Variants in POU3F2 observed in about 807,000 individuals in gnomAD.
The protein encoded by POU3F2 is POU class 3 homeobox 2.
A neutral mutation model predicts 33.1 loss-of-function variants in POU3F2; 11 were observed. The ratio of observed to expected loss-of-function variants is 0.33; its 90% CI spans 0.21 to 0.55. The LOEUF is 0.55. Ranked by LOEUF, POU3F2 falls within the 20% of genes least tolerant of loss-of-function variation. The pLI, the probability that POU3F2 is intolerant of heterozygous loss-of-function variation, is 0.91. For synonymous variants in POU3F2, 332 were observed against 289.6 expected (o/e 1.15, Z -1.49); for missense variants, 456 against 620.2 (o/e 0.74, Z 2.81).
In POU3F2 at chr6:98,834,679, AGGC is replaced by A. The variant is rs1236779696; in HGVS notation, c.-182_-180del. 2.3e-4 allele frequency: 141 copies of A among 612,648 alleles called. No homozygotes were observed. The highest frequency in any genetic ancestry group is 8.4e-4 in the Middle Eastern group (2 of 2,378). 38.0% of individuals were successfully genotyped at this position (612,648 alleles called of 1,614,324 possible). A position where few individuals can be genotyped will look rare whatever the true frequency, so the allele number is the denominator to read the frequency against. ...GAGAAAGAGAGCGAGGGCGGGCGGG[AGGC>A]GGCGGCGGCGGCAGCAGCAGCAGTA... On this transcript the variant is annotated 5_prime_UTR_variant, in exon 1 of 1. Coordinates refer to ENST00000328345, the MANE Select transcript of POU3F2 (RefSeq NM_005604.4).
chr6:98,834,865 C>G lies in POU3F2; in HGVS notation c.-9C>G, dbSNP rs763367137. Reference sequence around the variant, plus strand: ...TTTAACCGGAGCGCTCAGTCCGGCTCCGAGAGTCATGGCGACCGCAGCGTC... The same window carrying G: ...TTTAACCGGAGCGCTCAGTCCGGCTGCGAGAGTCATGGCGACCGCAGCGTC... On this transcript the variant is annotated 5_prime_UTR_variant, in exon 1 of 1. Coordinates refer to ENST00000328345, the MANE Select transcript of POU3F2 (RefSeq NM_005604.4). 1 of 1,596,288 alleles carries G rather than the reference C, an allele frequency of 6.3e-7. No homozygotes were observed. The highest frequency in any genetic ancestry group is 8.5e-7 in the Non-Finnish European group (1 of 1,178,036).
chr6:98,835,589 C>T lies in POU3F2; in HGVS notation c.716C>T (p.Pro239Leu), dbSNP rs1441106037. Residue 239 changes from proline (P) to leucine (L), a missense_variant, in exon 1 of 1, where the codon CCG (proline) becomes CTG (leucine). This residue lies in a region of POU3F2 where 341 missense variants were observed against 382.4 expected (regional missense o/e 0.89). Coordinates refer to ENST00000328345, the MANE Select transcript of POU3F2 (RefSeq NM_005604.4). The surrounding 1 kb of genome is among the most constrained non-coding windows in gnomAD (Gnocchi z 9.7). ...PHPHSHPHQQ[P>L]PPPPPPQGPP... ...CCGCACTCGCACCCACACCAGCAGC[C>T]GCCGCCCCCGCCGCCCCCGCAGGGT... The T allele has an allele frequency of 6.2e-7, 1 of 1,603,826 alleles. No individual in the cohort carries two copies. The highest frequency in any genetic ancestry group is 1.3e-5 in the African/African-American group (1 of 74,696).
rs576553030 is a variant in POU3F2 at position 98,838,622 on chromosome 6, T to G, written c.*2417T>G. 5.4e-5 allele frequency: 9 copies of G among 166,492 alleles called. No individual in the cohort carries two copies. Among genetic ancestry groups the G allele is most frequent in the African/African-American group, 2.2e-4 (9 of 41,460 alleles). 10.3% of individuals were successfully genotyped at this position (166,492 alleles called of 1,614,324 possible). On this transcript the variant is annotated 3_prime_UTR_variant, in exon 1 of 1. Transcript: ENST00000328345. ...CTGTTTTTCTGTAGCTTTAAATGAA[T>G]AGGTGAGCAAAATCTATATGGGATG...
In POU3F2 at chr6:98,835,700, A is replaced by G. The variant is rs1298734401; in HGVS notation, c.827A>G (p.Gln276Arg). The change falls in exon 1 of 1, where the codon CAG (glutamine) becomes CGG (arginine). Residue 276 changes from glutamine (Q) to arginine (R), a missense_variant. Gln to Arg is a conservative substitution (Grantham distance 43). This residue lies in a region of POU3F2 where 19 missense variants were observed against 49.1 expected (regional missense o/e 0.39). Coordinates refer to ENST00000328345, the MANE Select transcript of POU3F2 (RefSeq NM_005604.4). The surrounding 1 kb of genome is among the most constrained non-coding windows in gnomAD (Gnocchi z 9.7). ...TSDDLEQFAKQFKQRRIKLGF... is the reference protein window; with the variant it reads ...TSDDLEQFAKRFKQRRIKLGF... ...GACGACCTGGAGCAGTTCGCCAAGC[A>G]GTTCAAGCAGCGGCGGATCAAACTG... is the stretch of plus-strand genomic sequence containing the variant. 6.2e-7 allele frequency: 1 copy of G among 1,613,748 alleles called. No individual in the cohort carries two copies. Among genetic ancestry groups the G allele is most frequent in the Non-Finnish European group, 8.5e-7 (1 of 1,180,032 alleles).
Position 98,834,761 on chromosome 6 carries a change from T to G in POU3F2, c.-113T>G. 35 of 1,189,388 alleles carry G rather than the reference T, an allele frequency of 2.9e-5. No individual in the cohort carries two copies. Among genetic ancestry groups the G allele is most frequent in the Non-Finnish European group, 3.7e-5 (32 of 866,180 alleles). The allele number at this position is 1,189,388 out of a possible 1,614,324, so 73.7% of individuals were successfully genotyped here. A position where few individuals can be genotyped will look rare whatever the true frequency, so the allele number is the denominator to read the frequency against. On this transcript the variant is annotated 5_prime_UTR_variant, in exon 1 of 1. Transcript: ENST00000328345. Reference sequence around the variant, plus strand: ...GAGCGGGCGTCGGAGCTGCCCGCTGTGGGAGAGAGAGGAGACAGAAAGAGC... The same window carrying G: ...GAGCGGGCGTCGGAGCTGCCCGCTGGGGGAGAGAGAGGAGACAGAAAGAGC...
At position 98,836,414 on chromosome 6, in the gene POU3F2, T is replaced by A; in HGVS notation, c.*209T>A. 1.6e-6 allele frequency: 1 copy of A among 632,084 alleles called. No homozygotes were observed. Among genetic ancestry groups the A allele is most frequent in the African/African-American group, 1.9e-5 (1 of 51,920 alleles). The allele number at this position is 632,084 out of a possible 1,614,324, so 39.2% of individuals were successfully genotyped here. On this transcript the variant is annotated 3_prime_UTR_variant, in exon 1 of 1. Coordinates refer to ENST00000328345, the MANE Select transcript of POU3F2 (RefSeq NM_005604.4). Reference sequence around the variant, plus strand: ...CCTTTAAAGGTAGCAGGTGTAATGATGTGTTTTGACCTTTGCAGGCGAGTA... The same window carrying A: ...CCTTTAAAGGTAGCAGGTGTAATGAAGTGTTTTGACCTTTGCAGGCGAGTA...
In POU3F2 at chr6:98,835,710, G is replaced by T; in HGVS notation, c.837G>T (p.Gln279His). Residue 279 changes from glutamine to histidine, a missense_variant, in exon 1 of 1, where the codon CAG (glutamine) becomes CAT (histidine). This residue lies in a region of POU3F2 where 19 missense variants were observed against 49.1 expected (regional missense o/e 0.39). Transcript: ENST00000328345. The surrounding 1 kb of genome is among the most constrained non-coding windows in gnomAD (Gnocchi z 9.7). ...AGCAGTTCGCCAAGCAGTTCAAGCA[G>T]CGGCGGATCAAACTGGGATTTACCC... The part of the protein sequence containing the change: ...DLEQFAKQFK[Q>H]RRIKLGFTQA... 1 of 1,613,908 alleles carries T rather than the reference G, an allele frequency of 6.2e-7. No individual in the cohort carries two copies. The highest frequency in any genetic ancestry group is 1.1e-5 in the South Asian group (1 of 91,084).
Position 98,836,511 on chromosome 6 carries a change from C to G in POU3F2, c.*306C>G, listed in dbSNP as rs183346230. 7.7e-5 allele frequency: 22 copies of G among 285,650 alleles called. No individual in the cohort carries two copies. Among genetic ancestry groups the G allele is most frequent in the Non-Finnish European group, 1.2e-4 (17 of 146,604 alleles). 17.7% of individuals were successfully genotyped at this position (285,650 alleles called of 1,614,324 possible). A position where few individuals can be genotyped will look rare whatever the true frequency, so the allele number is the denominator to read the frequency against. The stretch of plus-strand genomic sequence containing the variant: ...TGTGATAGCTAGAAAGAGAGAGAGA[C>G]AGAGAGATGGCAAGCACTGAGATAA... On this transcript the variant is annotated 3_prime_UTR_variant, in exon 1 of 1. Coordinates refer to ENST00000328345, the MANE Select transcript of POU3F2 (RefSeq NM_005604.4).
Position 98,838,010 on chromosome 6 carries a change from G to T in POU3F2, c.*1805G>T, listed in dbSNP as rs1770023031. The T allele has an allele frequency of 6.0e-6, 1 of 166,870 alleles. No homozygotes were observed. The highest frequency in any genetic ancestry group is 2.4e-5 in the African/African-American group (1 of 41,410). The allele number at this position is 166,870 out of a possible 1,614,324, so 10.3% of individuals were successfully genotyped here. On this transcript the variant is annotated 3_prime_UTR_variant, in exon 1 of 1. Transcript: ENST00000328345. ...AAAGTCTCACTACCATAAAATTATGGTTCAGCATCAGATTAGCATTGCACT... is the reference window on the plus strand; with the variant it reads ...AAAGTCTCACTACCATAAAATTATGTTTCAGCATCAGATTAGCATTGCACT...
At position 98,834,902 on chromosome 6, in the gene POU3F2, G is replaced by A. The variant is rs745783228; in HGVS notation, c.29G>A (p.Ser10Asn). 1.5e-5 allele frequency: 24 copies of A among 1,599,842 alleles called. No homozygotes were observed. In the South Asian group the frequency reaches 2.1e-4, roughly 14 times the overall value. The part of the protein sequence containing the change: MATAASNHY[S>N]LLTSSASIVH... ...GCGACCGCAGCGTCTAACCACTACA[G>A]CCTGCTCACCTCCAGCGCCTCCATC... The change falls in exon 1 of 1, where the codon AGC becomes AAC. Residue 10 changes from serine (S) to asparagine (N), a missense_variant. Around this residue, in one of 6 missense-constraint regions of POU3F2, gnomAD observed 341 missense variants for 382.4 expected, o/e 0.89. Coordinates refer to ENST00000328345, the MANE Select transcript of POU3F2 (RefSeq NM_005604.4).
Position 98,835,382 on chromosome 6 carries a change from G to A in POU3F2, c.509G>A (p.Ser170Asn), listed in dbSNP as rs1295429826. The change falls in exon 1 of 1, where the codon AGC becomes AAC. Residue 170 changes from serine to asparagine, a missense_variant. Ser to Asn is a conservative substitution (Grantham distance 46). Transcript: ENST00000328345. The surrounding 1 kb of genome is among the most constrained non-coding windows in gnomAD (Gnocchi z 9.7). ...NHHPGPGAWRSAAAAAHLPPS... is the reference protein window; with the variant it reads ...NHHPGPGAWRNAAAAAHLPPS... ...CACCCGGGACCCGGGGCATGGCGGA[G>A]CGCGGCGGCTGCAGCGCACCTCCCA... The A allele has an allele frequency of 6.4e-7, 1 of 1,566,348 alleles. No homozygotes were observed. Among genetic ancestry groups the A allele is most frequent in the South Asian group, 1.2e-5 (1 of 85,226 alleles).
At position 98,835,110 on chromosome 6, in the gene POU3F2, G is replaced by A; in HGVS notation, c.237G>A (p.Gly79=). The change falls in exon 1 of 1, where the codon GGG becomes GGA. Residue 79 remains glycine (G), a synonymous_variant. Coordinates refer to ENST00000328345, the MANE Select transcript of POU3F2 (RefSeq NM_005604.4). This position sits in a 1 kb window ranked among gnomAD's most constrained non-coding sequence, Gnocchi z 9.7. ...GCGGGGGCGGTGGCGGCGGCGGGGG[G>A]GGCGGGGGCGGCGGCGGGGGCGGCG... ...GGGGGGGGGG[G]GGGGGGGGGD... is the part of the protein sequence containing the mutation. 8.3e-7 allele frequency: 1 copy of A among 1,209,462 alleles called. No individual in the cohort carries two copies. The highest frequency in any genetic ancestry group is 1.0e-6 in the Non-Finnish European group (1 of 974,766). 74.9% of individuals were successfully genotyped at this position (1,209,462 alleles called of 1,614,324 possible). A position where few individuals can be genotyped will look rare whatever the true frequency, so the allele number is the denominator to read the frequency against.
At position 98,835,367 on chromosome 6, in the gene POU3F2, C is replaced by A; in HGVS notation, c.494C>A (p.Pro165His). ...CACGCCGCTAACCACCACCCGGGAC[C>A]CGGGGCATGGCGGAGCGCGGCGGCT... The part of the protein sequence containing the change: ...VHHAANHHPG[P>H]GAWRSAAAAA... Residue 165 changes from proline to histidine, a missense_variant, in exon 1 of 1, where the codon CCC (proline) becomes CAC (histidine). Pro to His is a moderately conservative substitution (Grantham distance 77, BLOSUM62 -2). This residue lies in a region of POU3F2 where 341 missense variants were observed against 382.4 expected (regional missense o/e 0.89). Coordinates refer to ENST00000328345, the MANE Select transcript of POU3F2 (RefSeq NM_005604.4). This position sits in a 1 kb window ranked among gnomAD's most constrained non-coding sequence, Gnocchi z 9.7. The A allele has an allele frequency of 6.4e-7, 1 of 1,560,406 alleles. No individual in the cohort carries two copies. The highest frequency in any genetic ancestry group is 8.7e-7 in the Non-Finnish European group (1 of 1,154,480).
At position 98,836,362 on chromosome 6, in the gene POU3F2, A is replaced by T; in HGVS notation, c.*157A>T. The T allele has an allele frequency of 9.9e-7, 1 of 1,014,502 alleles. No homozygotes were observed. Among genetic ancestry groups the T allele is most frequent in the Non-Finnish European group, 1.4e-6 (1 of 724,618 alleles). The allele number at this position is 1,014,502 out of a possible 1,614,324, so 62.8% of individuals were successfully genotyped here. A position where few individuals can be genotyped will look rare whatever the true frequency, so the allele number is the denominator to read the frequency against. On this transcript the variant is annotated 3_prime_UTR_variant, in exon 1 of 1. Coordinates refer to ENST00000328345, the MANE Select transcript of POU3F2 (RefSeq NM_005604.4). ...AAAAAGACAAAAAAAATAAGGCAAAAGGAAAGCAACTAAGACACTGGACTA... is the reference window on the plus strand; with the variant it reads ...AAAAAGACAAAAAAAATAAGGCAAATGGAAAGCAACTAAGACACTGGACTA...
chr6:98,835,593 G>T lies in POU3F2; in HGVS notation c.720G>T (p.Pro240=). ...HPHSHPHQQP[P]PPPPPQGPPG... is the part of the protein sequence containing the mutation. ...ACTCGCACCCACACCAGCAGCCGCCGCCCCCGCCGCCCCCGCAGGGTCCGC... is the reference window on the plus strand; with the variant it reads ...ACTCGCACCCACACCAGCAGCCGCCTCCCCCGCCGCCCCCGCAGGGTCCGC... Residue 240 remains proline (P), a synonymous_variant, in exon 1 of 1, where the codon CCG becomes CCT. Coordinates refer to ENST00000328345, the MANE Select transcript of POU3F2 (RefSeq NM_005604.4). The surrounding 1 kb of genome is among the most constrained non-coding windows in gnomAD (Gnocchi z 9.7). 1 of 1,605,746 alleles carries T rather than the reference G, an allele frequency of 6.2e-7. No individual in the cohort carries two copies. Among genetic ancestry groups the T allele is most frequent in the Non-Finnish European group, 8.5e-7 (1 of 1,177,658 alleles).
In POU3F2 at chr6:98,835,098, CGGCGGCGGGGGGGGCGGG is replaced by C. The variant is rs1769973798; in HGVS notation, c.234_251del (p.Gly83_Gly88del). On this transcript the variant is annotated inframe_deletion, in exon 1 of 1. Coordinates refer to ENST00000328345, the MANE Select transcript of POU3F2 (RefSeq NM_005604.4). The surrounding 1 kb of genome is among the most constrained non-coding windows in gnomAD (Gnocchi z 9.7). The stretch of plus-strand genomic sequence containing the variant: ...ACGGCGGCGGCGGCGGGGGCGGTGG[CGGCGGCGGGGGGGGCGGG>C]GGCGGCGGCGGGGGCGGCGGCGACG... 1 of 1,173,780 alleles carries C rather than the reference CGGCGGCGGGGGGGGCGGG, an allele frequency of 8.5e-7. No individual in the cohort carries two copies. Among genetic ancestry groups the C allele is most frequent in the Non-Finnish European group, 1.0e-6 (1 of 954,570 alleles). 72.7% of individuals were successfully genotyped at this position (1,173,780 alleles called of 1,614,324 possible).
rs1231755019 is a variant in POU3F2 at position 98,837,080 on chromosome 6, T to A, written c.*875T>A. 6.0e-6 allele frequency: 1 copy of A among 167,092 alleles called. No individual in the cohort carries two copies. The highest frequency in any genetic ancestry group is 1.9e-4 in the East Asian group (1 of 5,204). 10.4% of individuals were successfully genotyped at this position (167,092 alleles called of 1,614,324 possible). ...CTTTATCGAAGGCAAGAATCCGGTT[T>A]GGAATATAAAAATAAGCATTGGTTG... On this transcript the variant is annotated 3_prime_UTR_variant, in exon 1 of 1. Coordinates refer to ENST00000328345, the MANE Select transcript of POU3F2 (RefSeq NM_005604.4).
rs1231390124 is a variant in POU3F2, at chr6:98,835,624, C to T, written c.751C>T (p.His251Tyr). 1 of 1,612,368 alleles carries T rather than the reference C, an allele frequency of 6.2e-7. No homozygotes were observed. Among genetic ancestry groups the T allele is most frequent in the South Asian group, 1.1e-5 (1 of 91,062 alleles). The change falls in exon 1 of 1, where the codon CAC becomes TAC. Residue 251 changes from histidine to tyrosine, a missense_variant. By Grantham distance (83) the His-to-Tyr change is moderately conservative. Around this residue, in one of 6 missense-constraint regions of POU3F2, gnomAD observed 341 missense variants for 382.4 expected, o/e 0.89. Transcript: ENST00000328345. The surrounding 1 kb of genome is among the most constrained non-coding windows in gnomAD (Gnocchi z 9.7). The stretch of plus-strand genomic sequence containing the variant: ...GCCGCCCCCGCAGGGTCCGCCTGGC[C>T]ACCCAGGCGCGCACCACGACCCGCA... ...PPPPPQGPPG[H>Y]PGAHHDPHSD...
In POU3F2 at chr6:98,837,276, T is replaced by C. The variant is rs1425227519; in HGVS notation, c.*1071T>C. The C allele has an allele frequency of 6.0e-6, 1 of 166,952 alleles. No individual in the cohort carries two copies. The highest frequency in any genetic ancestry group is 6.5e-5 in the Admixed American group (1 of 15,274). The allele number at this position is 166,952 out of a possible 1,614,324, so 10.3% of individuals were successfully genotyped here. A position where few individuals can be genotyped will look rare whatever the true frequency, so the allele number is the denominator to read the frequency against. On this transcript the variant is annotated 3_prime_UTR_variant, in exon 1 of 1. Coordinates refer to ENST00000328345, the MANE Select transcript of POU3F2 (RefSeq NM_005604.4). ...GTGGAGGTTAAATATATTTCCAGAG[T>C]TGTCCAGCAGAAAGAAAGTGGCACT...
Sources: gnomAD v4.1 joint callset for allele counts on GRCh38, gnomAD v4.1.1 for gene constraint, gnomAD v4.1.1 regional missense constraint, Gnocchi (gnomAD v3.1) non-coding constraint, MANE v1.5 for transcripts, NCBI Gene and HGNC (gene_info 2026-07-23, HGNC 2026-07-21) for gene names.